Variants in AKR7A2 observed in about 807,000 individuals in gnomAD.
AKR7A2 encodes the protein aldo-keto reductase family 7 member A2.
A neutral mutation model predicts 37.3 loss-of-function variants in AKR7A2; 29 were observed. That is an observed-to-expected ratio of 0.78 (90% CI 0.58 to 1.06). The LOEUF is 1.06. Ranked by LOEUF, AKR7A2 falls within the 50% of genes least tolerant of loss-of-function variation. The probability of loss-of-function intolerance (pLI) is 0.00; values close to 1 mark genes in which losing one functional copy is unlikely to be tolerated. For missense variants in AKR7A2, 529 were observed against 497.9 expected, an observed-to-expected ratio of 1.06 and a Z score of -0.59; for synonymous variants, 228 against 217.8, an observed-to-expected ratio of 1.05 and a Z score of -0.41.
At chr1:19,311,724 A>G in intron 1 of AKR7A2, 103 bp downstream of exon 1, 1 of 1,465,500 alleles carries the variant, frequency 6.8e-7, no homozygotes, top group South Asian at 1.2e-5. Flanking sequence ...CGAGGGACGA[A>G]TCCGTCGGTG....
intron 5 of AKR7A2, 119 bp downstream of exon 5, chr1:19,306,883 T>A: frequency 2.2e-6 from 2 of 893,736 alleles, no homozygotes; most frequent in South Asian, 2.7e-5. Flanking sequence ...CCTGAAGCAA[T>A]GCAGGGGAGG....
In AKR7A2 at chr1:19,308,249, T is replaced by G; in HGVS notation, c.500A>C (p.Glu167Ala). The G allele has an allele frequency of 6.2e-7, 1 of 1,614,102 alleles. No homozygotes were observed. The highest frequency in any genetic ancestry group is 8.5e-7 in the Non-Finnish European group (1 of 1,179,998). Residue 167 changes from glutamate (E) to alanine (A), a missense_variant, in exon 3 of 7, where the codon GAG (glutamate) becomes GCG (alanine). Transcript: ENST00000235835. ...GCTAGCATAGTTGGAGAGGCCAAGC[T>G]CCACGAACTTGCCCTGCATGGGTGA... is the stretch of plus-strand genomic sequence containing the variant. Reference protein sequence around the residue: ...QRLHQEGKFVELGLSNYASWE... With the variant: ...QRLHQEGKFVALGLSNYASWE...
rs560580891 is a variant in AKR7A2, at chr1:19,307,539, T to C, written c.592-129A>G. ...AATATTCTAACATCACTACTGTTAG[T>C]AGGGGATGGAGGGAAGGTGTTGGGC... On this transcript the variant is annotated intron_variant, in intron 3 of 6. Transcript: ENST00000235835. 2.9e-4 allele frequency: 289 copies of C among 993,498 alleles called. 2 individuals carry two copies. The African/African-American group carries it at 4.3e-3, about 15-fold the overall frequency. 61.5% of individuals were successfully genotyped at this position (993,498 alleles called of 1,614,324 possible). A position where few individuals can be genotyped will look rare whatever the true frequency, so the allele number is the denominator to read the frequency against.
chr1:19,305,848 C>T (rs573130873), intron 6 of AKR7A2, among the ~76,000 whole-genome samples, 170 bp downstream of exon 6: 1 of 152,238 alleles, frequency 6.6e-6, no homozygotes, highest in African/African-American at 2.4e-5. Flanking sequence ...TCCCTCACTA[C>T]AAAGCCTCCA....
rs2093760672 is a variant in AKR7A2 at position 19,305,926 on chromosome 1, G to A, written c.918+92C>T. The A allele has an allele frequency of 2.5e-6, 4 of 1,599,202 alleles. No individual in the cohort carries two copies. In the South Asian group the frequency reaches 4.4e-5, roughly 18 times the overall value. On this transcript the variant is annotated intron_variant, in intron 6 of 6. Transcript: ENST00000235835. ...ATTGGAAGAAAGAAAAATTTCAGAG[G>A]AATTCAGAAATCAAATGCTTTGGGC... is the stretch of plus-strand genomic sequence containing the variant.
intron 4 of AKR7A2, 106 bp downstream of exon 4, chr1:19,307,208 G>C (rs2093763239): frequency 3.1e-5 from 49 of 1,588,046 alleles, no homozygotes; most frequent in Non-Finnish European, 4.1e-5. Flanking sequence ...AGGGGCTGAA[G>C]AACACAGCCC....
chr1:19,307,260 G>A (rs2151988780), intron 4 of AKR7A2, 54 bp downstream of exon 4: 2 of 1,609,594 alleles, frequency 1.2e-6, no homozygotes, highest in Non-Finnish European at 1.7e-6. Context: ...ATTCTGGGCT[G>A]GGCATCTGTG....
Position 19,308,719 on chromosome 1 carries a change from T to A in AKR7A2, c.299-77A>T, listed in dbSNP as rs60823204. ...CATGTAACCCTGGCTAAATTACTAA[T>A]ATTCTCTTGGCCTCAATTGTATGAT... On this transcript the variant is annotated intron_variant, in intron 1 of 6. Transcript: ENST00000235835. The A allele has an allele frequency of 0.017, 24,353 of 1,401,392 alleles. 2,284 individuals carry two copies. The African/African-American group carries it at 0.24, about 14-fold the overall frequency. 86.8% of individuals were successfully genotyped at this position (1,401,392 alleles called of 1,614,324 possible).
At chr1:19,304,458 C>T (rs2093757659) in intron 6 of AKR7A2, 72 bp from the exon 7 acceptor site, 2 of 1,612,724 alleles carry the variant, frequency 1.2e-6, no homozygotes, top group Non-Finnish European at 1.7e-6. Context: ...GTCCCAGCCA[C>T]CTCCCTGCTG....
chr1:19,306,954 G>A (rs759856519), intron 5 of AKR7A2, 48 bp downstream of exon 5: 10 of 1,537,110 alleles, frequency 6.5e-6, no homozygotes, highest in African/African-American at 4.1e-5. Flanking sequence ...ATTCCACATA[G>A]ATTTGACCCC....
intron 5 of AKR7A2, among the ~76,000 whole-genome samples, 182 bp downstream of exon 5, chr1:19,306,820 T>C (rs1301365784): frequency 4.0e-5 from 6 of 150,966 alleles, no homozygotes; most frequent in Admixed American, 3.3e-4. Flanking sequence ...GATCCTCATT[T>C]CCCCCCCAGA....
At chr1:19,306,925 AG>A (rs1373360973) in intron 5 of AKR7A2, 76 bp downstream of exon 5, 3 of 1,310,228 alleles carry the variant, frequency 2.3e-6, no homozygotes, top group East Asian at 2.3e-5. Flanking sequence ...GTCTTACCTC[AG>A]GAACAGCCCA....
rs144254029 is a variant in AKR7A2, at chr1:19,307,330, G to A, written c.672C>T (p.Ala224=). 5.3e-4 allele frequency: 854 copies of A among 1,613,520 alleles called. No individual in the cohort carries two copies. The highest frequency in any genetic ancestry group is 6.8e-4 in the Non-Finnish European group (804 of 1,179,986). ...TCCACGTACCAGCCAGAGGGTTGTA[G>A]GCATAGAACCTCAGTCCAAAGTGCC... ...CLRHFGLRFY[A]YNPLAGGLLT... The change falls in exon 4 of 7, where the codon GCC becomes GCT. Residue 224 remains alanine (A), a synonymous_variant. Transcript: ENST00000235835.
At chr1:19,309,127 C>T (rs1334055299) in intron 1 of AKR7A2, among the ~76,000 whole-genome samples, 1 of 152,208 alleles carries the variant, frequency 6.6e-6, no homozygotes, top group Non-Finnish European at 1.5e-5. Flanking sequence ...CATGGGAACC[C>T]ATGCAAAGTC....
At chr1:19,305,903 T>G (rs1207160668) in intron 6 of AKR7A2, 115 bp downstream of exon 6, 4 of 1,562,270 alleles carry the variant, frequency 2.6e-6, no homozygotes, top group Middle Eastern at 2.3e-4. Context: ...TTATGAGAAT[T>G]GGAAGAAAGA....
intron 1 of AKR7A2, among the ~76,000 whole-genome samples, chr1:19,309,192 G>A (rs1215467696): frequency 1.3e-5 from 2 of 152,222 alleles, no homozygotes; most frequent in African/African-American, 4.8e-5. Flanking sequence ...TAAGTTATAA[G>A]AGCATAAATT....
Position 19,307,048 on chromosome 1 carries a change from C to T in AKR7A2, c.742G>A (p.Val248Met), listed in dbSNP as rs1003664028. 4.3e-6 allele frequency: 7 copies of T among 1,614,218 alleles called. No homozygotes were observed. The highest frequency in any genetic ancestry group is 3.3e-5 in the South Asian group (3 of 91,088). The change falls in exon 5 of 7, where the codon GTG (valine) becomes ATG (methionine). Residue 248 changes from valine to methionine, a missense_variant. Val to Met is a conservative substitution (Grantham distance 21, BLOSUM62 1). Transcript: ENST00000235835. ...KYEDKDGKQP[V>M]GRFFGNSWAE... ...CAGCTATTCCCAAAGAAGCGGCCCA[C>T]AGGCTGTTTCCCGTCCTTGTCCTCA...
intron 1 of AKR7A2, 78 bp downstream of exon 1, chr1:19,311,749 G>C: frequency 1.3e-6 from 2 of 1,577,922 alleles, no homozygotes; most frequent in Admixed American, 1.7e-5. Flanking sequence ...CCGCGGCCGG[G>C]CCCGAGCGGG....
In AKR7A2 at chr1:19,307,033, C is replaced by T; in HGVS notation, c.757G>A (p.Gly253Arg). 6.2e-7 allele frequency: 1 copy of T among 1,614,220 alleles called. No individual in the cohort carries two copies. The highest frequency in any genetic ancestry group is 8.5e-7 in the Non-Finnish European group (1 of 1,180,034). ...CTGTAGGTCTCAGCCCAGCTATTCC[C>T]AAAGAAGCGGCCCACAGGCTGTTTC... ...DGKQPVGRFF[G>R]NSWAETYRNR... The change falls in exon 5 of 7, where the codon GGG becomes AGG. Residue 253 changes from glycine (G) to arginine (R), a missense_variant. Transcript: ENST00000235835.
Sources: gnomAD v4.1 joint callset for allele counts (sites outside exome capture counted in the v4.1 genomes callset) on GRCh38, gnomAD v4.1.1 for gene constraint, MANE v1.5 for transcripts, NCBI Gene and HGNC (gene_info 2026-07-23, HGNC 2026-07-21) for gene names.